Variants in KLF12 observed in about 807,000 individuals in gnomAD.
KLF12 encodes KLF transcription factor 12, also known as Krueppel-like factor 12.
In KLF12, 9 loss-of-function variants were observed where a neutral mutation model predicts 37.8. That is an observed-to-expected ratio of 0.24 (90% CI 0.14 to 0.42). The LOEUF (loss-of-function observed/expected upper bound fraction) is 0.42, where lower values mean the gene tolerates loss of function less well. Among genes scored for constraint, KLF12 ranks in the 10% least tolerant of loss-of-function variants. The probability of loss-of-function intolerance (pLI) is 1.00; values close to 1 mark genes in which losing one functional copy is unlikely to be tolerated. For missense variants in KLF12, 411 were observed against 516.0 expected (o/e 0.80, Z 1.97); for synonymous variants, 208 against 202.1 (o/e 1.03, Z -0.25).
chr13:74,223,471 A>G, the KLF12 span, among the ~76,000 whole-genome samples: 1 of 152,132 alleles, frequency 6.6e-6, no homozygotes, highest in Non-Finnish European at 1.5e-5. Flanking sequence ...CTCCATTACC[A>G]CAAGACAGCT....
intron 1 of KLF12, among the ~76,000 whole-genome samples, chr13:74,088,407 T>G (rs1272052781): frequency 6.6e-6 from 1 of 152,096 alleles, no homozygotes. Flanking sequence ...TTTATATTTT[T>G]AGTAAAGACG....
chr13:73,771,595 T>C (rs1241805135), intron 5 of KLF12, among the ~76,000 whole-genome samples: 1 of 152,230 alleles, frequency 6.6e-6, no homozygotes, highest in Non-Finnish European at 1.5e-5. Flanking sequence ...CATCAGTAAT[T>C]GAACATTATT....
At chr13:73,840,725 G>A (rs1884692701) in intron 4 of KLF12, among the ~76,000 whole-genome samples, 1 of 152,102 alleles carries the variant, frequency 6.6e-6, no homozygotes, top group Non-Finnish European at 1.5e-5. Context: ...TCACCCTCCT[G>A]TTCATTCTGA....
At chr13:73,825,481 C>T (rs1278348736) in intron 4 of KLF12, among the ~76,000 whole-genome samples, 1 of 152,208 alleles carries the variant, frequency 6.6e-6, no homozygotes, top group Non-Finnish European at 1.5e-5. Flanking sequence ...GTCTTCTCTG[C>T]TTTCCCAACT....
the KLF12 span, among the ~76,000 whole-genome samples, chr13:74,179,063 G>A: frequency 7.2e-5 from 11 of 152,322 alleles, no homozygotes; most frequent in Non-Finnish European, 1.6e-4. Context: ...TGTGAACATC[G>A]CTAGGCCTTT....
At chr13:73,805,175 TCTA>T (rs1322401035) in intron 5 of KLF12, among the ~76,000 whole-genome samples, 1 of 152,186 alleles carries the variant, frequency 6.6e-6, no homozygotes, top group African/African-American at 2.4e-5. Flanking sequence ...CCAAAAACAC[TCTA>T]CTATTTTACA....
chr13:73,812,568 T>C (rs934138148), intron 5 of KLF12, among the ~76,000 whole-genome samples: 9 of 152,070 alleles, frequency 5.9e-5, no homozygotes, highest in Non-Finnish European at 1.2e-4. Context: ...ATTTTTTTTT[T>C]CAATCATTTA....
At chr13:73,896,173 C>T (rs569785889) in intron 3 of KLF12, among the ~76,000 whole-genome samples, 3 of 152,040 alleles carry the variant, frequency 2.0e-5, no homozygotes, top group African/African-American at 7.3e-5. Context: ...AATCAGGTCC[C>T]AAGTATACTT....
rs1891688049 is a variant in KLF12, at chr13:73,981,515, TATAAAC to T, written c.33+13469_33+13474del. On this transcript the variant is annotated intron_variant, in intron 2 of 7. Transcript: ENST00000377669. ...AAGTAAAAAAAGCAGATCATAAAAATATAAACAGTATGGTACTATTCATATGTCTCA... is the reference window on the plus strand; with the variant it reads ...AAGTAAAAAAAGCAGATCATAAAAATAGTATGGTACTATTCATATGTCTCA... Among the ~76,000 whole-genome samples the T allele has an allele frequency of 3.9e-5, 6 of 152,250 alleles. 1 individual carries two copies. The South Asian group carries it at 1.2e-3, about 32-fold the overall frequency.
intron 2 of KLF12, among the ~76,000 whole-genome samples, chr13:73,974,520 C>G (rs1891452235): frequency 6.6e-6 from 1 of 152,048 alleles, no homozygotes; most frequent in African/African-American, 2.4e-5. Context: ...TTTAAAGATG[C>G]AAGAAGTCAG....
the KLF12 span, among the ~76,000 whole-genome samples, chr13:74,267,922 G>A: frequency 6.6e-6 from 1 of 152,154 alleles, no homozygotes; most frequent in East Asian, 1.9e-4. Context: ...AAGGCCATGT[G>A]AAGATGGAGG....
At chr13:73,726,359 T>C (rs55663504) in intron 6 of KLF12, among the ~76,000 whole-genome samples, 23,594 of 152,204 alleles carry the variant, frequency 0.16, 3,061 homozygotes, top group African/African-American at 0.35. Context: ...ACACTCATAT[T>C]GTTATACAAT....
intron 5 of KLF12, among the ~76,000 whole-genome samples, chr13:73,789,066 T>C (rs1391084174): frequency 2.0e-5 from 3 of 152,224 alleles, no homozygotes; most frequent in Admixed American, 6.5e-5. Flanking sequence ...GACTTTTTTT[T>C]CATTTTCCTT....
At chr13:73,753,733 T>G (rs113278480) in intron 6 of KLF12, among the ~76,000 whole-genome samples, 1 of 150,858 alleles carries the variant, frequency 6.6e-6, no homozygotes, top group Non-Finnish European at 1.5e-5. Flanking sequence ...GACATAGAAC[T>G]TAAATACTTA....
intron 3 of KLF12, among the ~76,000 whole-genome samples, chr13:73,901,365 C>T (rs559667014): frequency 1.6e-3 from 244 of 152,266 alleles, no homozygotes; most frequent in Non-Finnish European, 2.8e-3. Context: ...ACAGCATCAA[C>T]TTTAGAACAC....
chr13:74,288,169 C>A, the KLF12 span, among the ~76,000 whole-genome samples: 114 of 152,144 alleles, frequency 7.5e-4, 1 homozygote, highest in East Asian at 0.019. Context: ...CTAAAATAAC[C>A]CAATGGATTT....
intron 1 of KLF12, among the ~76,000 whole-genome samples, chr13:74,057,250 G>A (rs972572552): frequency 1.3e-5 from 2 of 152,068 alleles, no homozygotes; most frequent in African/African-American, 4.8e-5. Flanking sequence ...AAGGGAAAAG[G>A]GCTGTGTTCC....
At chr13:74,178,594 G>A in the KLF12 span, among the ~76,000 whole-genome samples, 1 of 152,182 alleles carries the variant, frequency 6.6e-6, no homozygotes, top group Non-Finnish European at 1.5e-5. Context: ...GAGGGTTTAA[G>A]TTGACATTAA....
At chr13:73,773,823 C>T (rs1388797499) in intron 5 of KLF12, among the ~76,000 whole-genome samples, 1 of 152,140 alleles carries the variant, frequency 6.6e-6, no homozygotes, top group Non-Finnish European at 1.5e-5. Context: ...GTTTCTTGCT[C>T]TCAGCTCAGT....
Sources: allele counts gnomAD v4.1 joint callset (sites outside exome capture counted in the v4.1 genomes callset), GRCh38; gene constraint gnomAD v4.1.1; transcripts MANE v1.5; gene names NCBI Gene and HGNC (gene_info 2026-07-23, HGNC 2026-07-21).